Variants in BCO1 observed in about 807,000 individuals in gnomAD.
The protein encoded by BCO1 is beta-carotene oxygenase 1.
BCO1 carries 54 observed loss-of-function variants against 56.3 expected under a neutral mutation model. The ratio of observed to expected loss-of-function variants is 0.96; its 90% confidence interval spans 0.77 to 1.20. The LOEUF (loss-of-function observed/expected upper bound fraction) is 1.20, where lower values mean the gene tolerates loss of function less well. Ranked by LOEUF, BCO1 falls within the 50% of genes most tolerant of loss-of-function variation. The pLI is 0.00. For missense variants in BCO1, 801 were observed against 690.9 expected (o/e 1.16, Z -1.79); for synonymous variants, 318 against 266.1 (o/e 1.20, Z -1.90).
intron 2 of BCO1, among the ~76,000 whole-genome samples, chr16:81,252,764 G>T (rs992316307): frequency 6.6e-6 from 1 of 152,180 alleles, no homozygotes; most frequent in Non-Finnish European, 1.5e-5. Context: ...AGATGAGTCC[G>T]CCTGCCACCC....
chr16:81,272,114 T>G (rs968164102), intron 7 of BCO1, among the ~76,000 whole-genome samples: 1 of 32,418 alleles, frequency 3.1e-5, no homozygotes, highest in African/African-American at 1.6e-4. Context: ...CTTTTCTTTC[T>G]TTTTTTTTTT....
intron 6 of BCO1, among the ~76,000 whole-genome samples, chr16:81,269,065 CTTTTTTTT>C (rs71146003): frequency 1.2e-5 from 1 of 83,070 alleles, no homozygotes; most frequent in South Asian, 3.9e-4. Context: ...TGCACCTGGT[CTTTTTTTT>C]TTTTTTTTTT....
Position 81,238,953 on chromosome 16 carries a change from T to C in BCO1, c.45T>C (p.Pro15=). The C allele has an allele frequency of 6.2e-7, 1 of 1,613,956 alleles. No homozygotes were observed. Among genetic ancestry groups the C allele is most frequent in the Non-Finnish European group, 8.5e-7 (1 of 1,179,958 alleles). The change falls in exon 1 of 11, where the codon CCT becomes CCC. Residue 15 remains proline (P), a synonymous_variant. Coordinates refer to ENST00000258168, the MANE Select transcript of BCO1 (RefSeq NM_017429.3). ...FGRNRKEQLE[P]VRAKVTGKIP... is the part of the protein sequence containing the mutation. ...GGAATAGGAAAGAACAGCTGGAGCCTGTGAGGGCCAAAGTGACAGGTGAGC... is the reference window on the plus strand; with the variant it reads ...GGAATAGGAAAGAACAGCTGGAGCCCGTGAGGGCCAAAGTGACAGGTGAGC...
At chr16:81,284,233 T>TTA (rs1339901078) in intron 8 of BCO1, among the ~76,000 whole-genome samples, 2 of 140,324 alleles carry the variant, frequency 1.4e-5, no homozygotes, top group African/African-American at 5.4e-5. Context: ...TATATATTTT[T>TTA]ATATATTTAT....
chr16:81,245,512 C>T lies in BCO1; in HGVS notation c.102C>T (p.Arg34=). Residue 34 remains arginine, a synonymous_variant, in exon 2 of 11, where the codon CGC becomes CGT. Coordinates refer to ENST00000258168, the MANE Select transcript of BCO1 (RefSeq NM_017429.3). The stretch of plus-strand genomic sequence containing the variant: ...CATGGCTGCAGGGAACCCTGCTCCG[C>T]AATGGGCCTGGGATGCACACAGTTG... ...IPAWLQGTLL[R]NGPGMHTVGE... is the part of the protein sequence containing the mutation. The T allele has an allele frequency of 1.9e-6, 3 of 1,613,768 alleles. No homozygotes were observed. The highest frequency in any genetic ancestry group is 2.5e-6 in the Non-Finnish European group (3 of 1,179,692).
In BCO1 at chr16:81,270,372, G is replaced by T. The variant is rs1478135186; in HGVS notation, c.1057G>T (p.Val353Phe). Residue 353 changes from valine (V) to phenylalanine (F), a missense_variant, in exon 7 of 11, where the codon GTC (valine) becomes TTC (phenylalanine). Val to Phe is a conservative substitution (Grantham distance 50, BLOSUM62 -1). Coordinates refer to ENST00000258168, the MANE Select transcript of BCO1 (RefSeq NM_017429.3). ...CAAGGAGAACTCCAGGCTCACCTCG[G>T]TCCCCACCCTCAGGAGGTTTGCCGT... ...DFKENSRLTS[V>F]PTLRRFAVPL... 1 of 1,614,038 alleles carries T rather than the reference G, an allele frequency of 6.2e-7. No homozygotes were observed. The highest frequency in any genetic ancestry group is 1.7e-5 in the Admixed American group (1 of 59,982).
chr16:81,255,504 T>C (rs984648692), intron 2 of BCO1, among the ~76,000 whole-genome samples: 3 of 150,116 alleles, frequency 2.0e-5, no homozygotes, highest in African/African-American at 7.5e-5. Context: ...TTTTTTTTTA[T>C]TTTTTATTTT....
At chr16:81,250,513 G>T (rs888951335) in intron 2 of BCO1, among the ~76,000 whole-genome samples, 2 of 150,572 alleles carry the variant, frequency 1.3e-5, no homozygotes, top group Non-Finnish European at 3.0e-5. Flanking sequence ...TGGGGTCCCT[G>T]ATAAGCTGAA....
intron 7 of BCO1, among the ~76,000 whole-genome samples, chr16:81,279,688 CAG>C (rs1007849537): frequency 2.0e-5 from 3 of 152,162 alleles, no homozygotes; most frequent in Non-Finnish European, 2.9e-5. Context: ...ATGAGGGAAA[CAG>C]GGAGTAGTAG....
intron 7 of BCO1, among the ~76,000 whole-genome samples, chr16:81,273,005 T>C (rs1907331374): frequency 6.6e-6 from 1 of 151,996 alleles, no homozygotes; most frequent in Non-Finnish European, 1.5e-5. Context: ...AGTCTTGTTG[T>C]GTCACCCAGG....
rs1181309468 is a variant in BCO1 at position 81,238,827 on chromosome 16, A to G, written c.-82A>G. On this transcript the variant is annotated 5_prime_UTR_variant, in exon 1 of 11. Coordinates refer to ENST00000258168, the MANE Select transcript of BCO1 (RefSeq NM_017429.3). ...GAGCAGGAGAGCAGGAAGGAAACGC[A>G]GGAGGAGGGAGCAGCATCTCCTGTG... The G allele has an allele frequency of 3.3e-6, 4 of 1,200,084 alleles. No homozygotes were observed. In the Admixed American group the frequency reaches 6.8e-5, roughly 20 times the overall value. 74.3% of individuals were successfully genotyped at this position (1,200,084 alleles called of 1,614,324 possible). A position where few individuals can be genotyped will look rare whatever the true frequency, so the allele number is the denominator to read the frequency against.
chr16:81,258,487 C>G (rs573143081), intron 2 of BCO1, among the ~76,000 whole-genome samples: 20 of 152,320 alleles, frequency 1.3e-4, no homozygotes, highest in Admixed American at 3.3e-4. Context: ...ATCAACTGGG[C>G]TTCTGGAGGC....
chr16:81,265,135 T>A (rs1906730700), intron 5 of BCO1, among the ~76,000 whole-genome samples: 1 of 151,694 alleles, frequency 6.6e-6, no homozygotes, highest in South Asian at 2.1e-4. Flanking sequence ...TCACCGTCCA[T>A]CTATCCACCA....
intron 4 of BCO1, chr16:81,262,654 C>G (rs1277009471): frequency 3.0e-6 from 1 of 328,308 alleles, no homozygotes; most frequent in Non-Finnish European, 6.0e-6. Flanking sequence ...ATGGTGAAAC[C>G]CCATCTCTAC....
intron 7 of BCO1, among the ~76,000 whole-genome samples, chr16:81,279,215 G>A (rs971759903): frequency 2.0e-5 from 3 of 152,148 alleles, no homozygotes; most frequent in African/African-American, 7.2e-5. Flanking sequence ...GGAGTTTAAG[G>A]CTACAGTGAG....
At chr16:81,244,107 C>T (rs1324028378) in intron 1 of BCO1, among the ~76,000 whole-genome samples, 7 of 152,216 alleles carry the variant, frequency 4.6e-5, no homozygotes, top group Non-Finnish European at 8.8e-5. Context: ...GCAAAGCCTG[C>T]CCCACCCGCA....
At chr16:81,250,605 G>C (rs1357806525) in intron 2 of BCO1, among the ~76,000 whole-genome samples, 1 of 129,420 alleles carries the variant, frequency 7.7e-6, no homozygotes, top group East Asian at 2.1e-4. Context: ...TTTTGAGATG[G>C]AGTCTCACTG....
intron 7 of BCO1, among the ~76,000 whole-genome samples, chr16:81,276,020 C>T (rs146124632): frequency 7.1e-4 from 108 of 152,224 alleles, no homozygotes; most frequent in African/African-American, 2.5e-3. Context: ...TGTGCACCCA[C>T]GCCTAAGGGG....
chr16:81,270,310 A>G lies in BCO1; in HGVS notation c.995A>G (p.Tyr332Cys), dbSNP rs747900683. Reference protein sequence around the residue: ...DVIAYEDNSLYQLFYLANLNQ... With the variant: ...DVIAYEDNSLCQLFYLANLNQ... ...ATTGCCTACGAGGACAACAGCCTCTACCAGCTCTTCTACCTGGCCAACCTG... is the reference window on the plus strand; with the variant it reads ...ATTGCCTACGAGGACAACAGCCTCTGCCAGCTCTTCTACCTGGCCAACCTG... The change falls in exon 7 of 11, where the codon TAC (tyrosine) becomes TGC (cysteine). Residue 332 changes from tyrosine to cysteine, a missense_variant. Physicochemically the swap from Tyr to Cys is radical, Grantham distance 194. Coordinates refer to ENST00000258168, the MANE Select transcript of BCO1 (RefSeq NM_017429.3). 3 of 1,614,184 alleles carry G rather than the reference A, an allele frequency of 1.9e-6. No individual in the cohort carries two copies. Among genetic ancestry groups the G allele is most frequent in the Middle Eastern group, 1.6e-4 (1 of 6,062 alleles).
Sources: gnomAD v4.1 joint callset for allele counts (sites outside exome capture counted in the v4.1 genomes callset) on GRCh38, gnomAD v4.1.1 for gene constraint, MANE v1.5 for transcripts, NCBI Gene and HGNC (gene_info 2026-07-23, HGNC 2026-07-21) for gene names.